Variants in XPR1 observed in about 807,000 individuals in gnomAD.
The protein encoded by XPR1 is xenotropic and polytropic retrovirus receptor 1, also known as solute carrier family 53 member 1.
Under a neutral mutation model 87.5 loss-of-function variants are expected in XPR1, and 28 were observed. The ratio of observed to expected loss-of-function variants is 0.32; its 90% CI spans 0.24 to 0.44. The LOEUF (loss-of-function observed/expected upper bound fraction) is 0.44. Ranked by LOEUF, XPR1 falls within the 20% of genes least tolerant of loss-of-function variation. The pLI is 1.00. For missense variants in XPR1, 559 were observed against 862.3 expected (o/e 0.65, Z 4.41); for synonymous variants, 300 against 306.1 (o/e 0.98, Z 0.21).
At chr1:180,685,993 C>T (rs963948602) in intron 2 of XPR1, among the ~76,000 whole-genome samples, 4 of 151,994 alleles carry the variant, frequency 2.6e-5, no homozygotes, top group African/African-American at 9.7e-5. Flanking sequence ...TCCTTCAGTT[C>T]TGCTCTGATC....
chr1:180,755,840 T>G (rs564172136), intron 2 of XPR1, among the ~76,000 whole-genome samples: 1 of 150,824 alleles, frequency 6.6e-6, no homozygotes, highest in East Asian at 1.9e-4. Flanking sequence ...CAGTGATCTT[T>G]AGGAAGATGT....
At chr1:180,768,673 A>G (rs1648382780) in intron 2 of XPR1, among the ~76,000 whole-genome samples, 1 of 152,232 alleles carries the variant, frequency 6.6e-6, no homozygotes, top group Non-Finnish European at 1.5e-5. Flanking sequence ...CATTTATGCT[A>G]AGAAGTTTAC....
rs200044209 is a variant in XPR1, at chr1:180,744,650, C to CT, written c.122-43100dup. On this transcript the variant is annotated intron_variant, in intron 2 of 14. Transcript: ENST00000367590. ...ACTTGTTCAGGTTTAGGCACAATTT[C>CT]TTTCTTTTTTTTTTTTTTGAGACAG... is the stretch of plus-strand genomic sequence containing the variant. Among the ~76,000 whole-genome samples, 360 of 56,970 alleles carry CT rather than the reference C, an allele frequency of 6.3e-3. 40 individuals carry two copies. The highest frequency in any genetic ancestry group is 0.018 in the African/African-American group (312 of 17,150). 37.4% of individuals were successfully genotyped at this position (56,970 alleles called of 152,430 possible).
rs1649998314 is a variant in XPR1 at position 180,806,474 on chromosome 1, G to T, written c.598G>T (p.Ala200Ser). 6.2e-7 allele frequency: 1 copy of T among 1,613,034 alleles called. No individual in the cohort carries two copies. Among genetic ancestry groups the T allele is most frequent in the African/African-American group, 1.3e-5 (1 of 74,970 alleles). ...AAAATGTAATAATTTGTCTTTCTAGGCTGTAGTGACCAATGAACTTGAAGA... is the reference window on the plus strand; with the variant it reads ...AAAATGTAATAATTTGTCTTTCTAGTCTGTAGTGACCAATGAACTTGAAGA... ...KINQLISETE[A>S]VVTNELEDGD... The change falls in exon 6 of 15, where the codon GCT (alanine) becomes TCT (serine). Residue 200 changes from alanine to serine, a missense_variant and splice_region_variant. Around this residue, in one of 7 missense-constraint regions of XPR1, gnomAD observed 159 missense variants for 263.3 expected, o/e 0.60. Transcript: ENST00000367590.
chr1:180,746,382 C>G (rs544357759), intron 2 of XPR1, among the ~76,000 whole-genome samples: 3 of 152,240 alleles, frequency 2.0e-5, no homozygotes, highest in Non-Finnish European at 4.4e-5. Context: ...TTTGGTTTTC[C>G]ATTCCTGAGT....
intron 1 of XPR1, among the ~76,000 whole-genome samples, chr1:180,680,001 A>G (rs551810756): frequency 6.6e-6 from 1 of 152,326 alleles, no homozygotes; most frequent in South Asian, 2.1e-4. Context: ...GGGGATTAAT[A>G]TCTAGAATAT....
At chr1:180,710,774 G>A (rs1244709576) in intron 2 of XPR1, among the ~76,000 whole-genome samples, 1 of 151,966 alleles carries the variant, frequency 6.6e-6, no homozygotes, top group Non-Finnish European at 1.5e-5. Flanking sequence ...CAGAAGGGGT[G>A]GCCGGGCAGA....
chr1:180,768,036 C>G (rs547340572), intron 2 of XPR1, among the ~76,000 whole-genome samples: 1 of 151,896 alleles, frequency 6.6e-6, no homozygotes, highest in Non-Finnish European at 1.5e-5. Flanking sequence ...AGTAAAGACA[C>G]GGTTTCACTG....
chr1:180,645,768 G>T (rs912940559), intron 1 of XPR1, among the ~76,000 whole-genome samples: 2 of 152,108 alleles, frequency 1.3e-5, no homozygotes. Flanking sequence ...TATTGTTCAG[G>T]TGACATTTTT....
At chr1:180,833,475 GGAA>G (rs1245589633) in intron 9 of XPR1, among the ~76,000 whole-genome samples, 1 of 151,416 alleles carries the variant, frequency 6.6e-6, no homozygotes, top group South Asian at 2.1e-4. Flanking sequence ...ATAAAGGGCT[GGAA>G]GAAGATTTAC....
chr1:180,645,994 A>G (rs1443434885), intron 1 of XPR1, among the ~76,000 whole-genome samples: 1 of 152,238 alleles, frequency 6.6e-6, no homozygotes, highest in African/African-American at 2.4e-5. Context: ...GTTGGCAACA[A>G]AAGTGCACAT....
chr1:180,732,389 A>AT (rs1408550574), intron 2 of XPR1, among the ~76,000 whole-genome samples: 1 of 152,058 alleles, frequency 6.6e-6, no homozygotes, highest in African/African-American at 2.4e-5. Context: ...AAGCTCATGT[A>AT]TTTTTTATTA....
chr1:180,838,505 AAAAC>A (rs1478653661), intron 11 of XPR1, among the ~76,000 whole-genome samples: 1 of 152,224 alleles, frequency 6.6e-6, no homozygotes, highest in African/African-American at 2.4e-5. Flanking sequence ...AAACAAATCT[AAAAC>A]AAATCTAAAC....
intron 12 of XPR1, among the ~76,000 whole-genome samples, chr1:180,865,078 G>A (rs1188464949): frequency 6.6e-6 from 1 of 152,156 alleles, no homozygotes; most frequent in Non-Finnish European, 1.5e-5. Flanking sequence ...GGTAAGTAGG[G>A]AAGGCCATTT....
intron 2 of XPR1, among the ~76,000 whole-genome samples, chr1:180,771,684 A>T (rs1304576810): frequency 6.6e-6 from 1 of 152,190 alleles, no homozygotes; most frequent in Non-Finnish European, 1.5e-5. Flanking sequence ...TTTGTACAAT[A>T]TCTAAGTTTA....
At chr1:180,844,283 G>A (rs184137009) in intron 11 of XPR1, among the ~76,000 whole-genome samples, 6 of 152,308 alleles carry the variant, frequency 3.9e-5, no homozygotes, top group African/African-American at 7.2e-5. Context: ...AAGACCAATT[G>A]CTTGAAAGTT....
At chr1:180,695,880 G>C (rs914121288) in intron 2 of XPR1, among the ~76,000 whole-genome samples, 3 of 151,994 alleles carry the variant, frequency 2.0e-5, no homozygotes, top group African/African-American at 7.3e-5. Flanking sequence ...CTTCAGCTCT[G>C]TTCTTTTTGC....
chr1:180,728,686 C>T (rs1039220291), intron 2 of XPR1, among the ~76,000 whole-genome samples: 1 of 152,166 alleles, frequency 6.6e-6, no homozygotes, highest in African/African-American at 2.4e-5. Flanking sequence ...GTAATGGAAG[C>T]TCAGAGACCT....
intron 2 of XPR1, among the ~76,000 whole-genome samples, chr1:180,724,087 G>GA (rs1321832921): frequency 6.6e-6 from 1 of 152,188 alleles, no homozygotes; most frequent in African/African-American, 2.4e-5. Flanking sequence ...AAAAAAATGA[G>GA]TAAGCTATGG....
Sources: gnomAD v4.1 joint callset for allele counts (sites outside exome capture counted in the v4.1 genomes callset) on GRCh38, gnomAD v4.1.1 for gene constraint, gnomAD v4.1.1 regional missense constraint, MANE v1.5 for transcripts, NCBI Gene and HGNC (gene_info 2026-07-23, HGNC 2026-07-21) for gene names.